Variants in TSNARE1 observed in about 807,000 individuals in gnomAD.
TSNARE1 encodes t-SNARE domain containing 1, also known as t-SNARE domain-containing protein 1.
TSNARE1 carries 49 observed loss-of-function variants against 62.0 expected under a neutral mutation model. The observed-to-expected ratio is 0.79, with a 90% confidence interval of 0.63 to 1.00. TSNARE1 has a LOEUF of 1.00. TSNARE1 is among the 50% of genes least tolerant of loss of function. TSNARE1 has a pLI of 0.00. For missense variants in TSNARE1, 755 were observed against 700.1 expected, an observed-to-expected ratio of 1.08 and a Z score of -0.88; for synonymous variants, 328 against 294.4, an observed-to-expected ratio of 1.11 and a Z score of -1.17.
intron 10 of TSNARE1, among the ~76,000 whole-genome samples, chr8:142,297,917 G>A (rs76213062): frequency 1.3e-5 from 2 of 152,114 alleles, no homozygotes; most frequent in Non-Finnish European, 2.9e-5. Context: ...TCCGTCCCGC[G>A]CCTGCTGTTG....
intron 9 of TSNARE1, among the ~76,000 whole-genome samples, chr8:142,306,057 A>G (rs1826617440): frequency 6.6e-6 from 1 of 152,222 alleles, no homozygotes; most frequent in African/African-American, 2.4e-5. Flanking sequence ...AGAGGCGCTC[A>G]CACAGGGAGT....
intron 11 of TSNARE1, among the ~76,000 whole-genome samples, chr8:142,280,920 A>G (rs1001991468): frequency 2.0e-5 from 3 of 152,142 alleles, no homozygotes; most frequent in African/African-American, 7.2e-5. Context: ...AGCAGCTTGA[A>G]GCCCAGGCTC....
Position 142,314,387 on chromosome 8 carries a change from T to C in TSNARE1, c.1128A>G (p.Lys376=). The C allele has an allele frequency of 6.2e-7, 1 of 1,613,732 alleles. No individual in the cohort carries two copies. The highest frequency in any genetic ancestry group is 1.1e-5 in the South Asian group (1 of 90,970). Residue 376 remains lysine (K), a synonymous_variant, in exon 9 of 14, where the codon AAA becomes AAG. Transcript: ENST00000524325. ...ALLPMAQRGS[K]QSPQAPFAEL... ...ATGGTCAGTACTCGGCACCCACCTG[T>C]TTACTGCCCCTCTGCGCCATGGGAA...
chr8:142,351,381 G>C (rs1423703752), intron 2 of TSNARE1, among the ~76,000 whole-genome samples: 1 of 152,116 alleles, frequency 6.6e-6, no homozygotes, highest in Non-Finnish European at 1.5e-5. Context: ...TACAACAGCA[G>C]GAAAGAAAGT....
chr8:142,272,701 G>A (rs1420843107), intron 12 of TSNARE1: 1 of 946,620 alleles, frequency 1.1e-6, no homozygotes, highest in Non-Finnish European at 1.2e-6. Flanking sequence ...CTTCACAGAG[G>A]CCTCATCCCT....
chr8:142,297,226 C>T (rs964979748), intron 10 of TSNARE1, among the ~76,000 whole-genome samples: 3 of 152,198 alleles, frequency 2.0e-5, no homozygotes, highest in African/African-American at 7.2e-5. Flanking sequence ...GGATGCTGGG[C>T]GTGGCCATCT....
chr8:142,296,600 G>C (rs995413301), intron 10 of TSNARE1, among the ~76,000 whole-genome samples: 3 of 152,022 alleles, frequency 2.0e-5, no homozygotes, highest in African/African-American at 7.3e-5. Context: ...AGGCAAGCAA[G>C]GGCCGCTCAC....
chr8:142,274,265 GTCT>G, intron 12 of TSNARE1: 1 of 985,452 alleles, frequency 1.0e-6, no homozygotes, highest in Non-Finnish European at 1.2e-6. Flanking sequence ...GACCTGTCAG[GTCT>G]TCTTGTGGTG....
In TSNARE1 at chr8:142,318,630, T is replaced by C. The variant is rs1228318517; in HGVS notation, c.898A>G (p.Thr300Ala). 1.2e-6 allele frequency: 2 copies of C among 1,613,402 alleles called. No individual in the cohort carries two copies. The highest frequency in any genetic ancestry group is 1.7e-6 in the Non-Finnish European group (2 of 1,179,924). ...GTCTTGTTGGTCTCCTGCTGTGCCG[T>C]GTGCCTGGGGGCCGAGAAGGAGCCA... is the stretch of plus-strand genomic sequence containing the variant. ...DTQELRDSLHTAQQETNKTIA... is the reference protein window; with the variant it reads ...DTQELRDSLHAAQQETNKTIA... The change falls in exon 7 of 14, where the codon ACG (threonine) becomes GCG (alanine). Residue 300 changes from threonine (T) to alanine (A), a missense_variant. By Grantham distance (58) the Thr-to-Ala change is moderately conservative. Coordinates refer to ENST00000524325, the MANE Select transcript of TSNARE1 (RefSeq NM_145003.5).
intron 9 of TSNARE1, among the ~76,000 whole-genome samples, chr8:142,306,019 G>A (rs532275120): frequency 2.0e-5 from 3 of 152,314 alleles, no homozygotes; most frequent in South Asian, 2.1e-4. Flanking sequence ...CATGCACTCC[G>A]ACCCGAGGGA....
At chr8:142,223,016 TCACTCAGC>T (rs1816501457) in intron 13 of TSNARE1, among the ~76,000 whole-genome samples, 5 of 124,974 alleles carry the variant, frequency 4.0e-5, no homozygotes, top group Non-Finnish European at 5.0e-5. Context: ...ATTTACTCAC[TCACTCAGC>T]CACTCACTCA....
chr8:142,228,596 T>C (rs953385509), intron 13 of TSNARE1, among the ~76,000 whole-genome samples: 3 of 152,216 alleles, frequency 2.0e-5, no homozygotes, highest in Non-Finnish European at 4.4e-5. Flanking sequence ...AGTCATAAAC[T>C]TCTGGAGGTC....
intron 1 of TSNARE1, among the ~76,000 whole-genome samples, chr8:142,370,863 C>G (rs1168305039): frequency 6.6e-6 from 1 of 150,952 alleles, no homozygotes; most frequent in East Asian, 1.9e-4. Context: ...AAAAAAAAAC[C>G]TGCAAGCCAG....
chr8:142,280,531 C>T (rs1821250723), intron 11 of TSNARE1, among the ~76,000 whole-genome samples: 1 of 152,200 alleles, frequency 6.6e-6, no homozygotes, highest in African/African-American at 2.4e-5. Flanking sequence ...CCGGCAGGTG[C>T]CCTCTGCCCT....
intron 4 of TSNARE1, among the ~76,000 whole-genome samples, chr8:142,341,277 C>A (rs1462387534): frequency 6.6e-6 from 1 of 152,208 alleles, no homozygotes; most frequent in East Asian, 1.9e-4. Context: ...CCCACCCCCC[C>A]AGGCCTGGCC....
At chr8:142,292,958 C>A (rs1262079295) in intron 10 of TSNARE1, among the ~76,000 whole-genome samples, 2 of 152,188 alleles carry the variant, frequency 1.3e-5, no homozygotes, top group Non-Finnish European at 2.9e-5. Flanking sequence ...CTCCCCCACA[C>A]TCAGCACATA....
In TSNARE1 at chr8:142,284,400, G is replaced by C; in HGVS notation, c.1363+13C>G. On this transcript the variant is annotated intron_variant, in intron 11 of 13. Transcript: ENST00000524325. ...GGGGCAGCAGGTGGCCCGAGGCTGG[G>C]GCGGGTACCCACCAACAGCTTCTCC... 6.2e-7 allele frequency: 1 copy of C among 1,611,460 alleles called. No homozygotes were observed. Among genetic ancestry groups the C allele is most frequent in the Non-Finnish European group, 8.5e-7 (1 of 1,178,700 alleles).
chr8:142,276,984 G>C, intron 11 of TSNARE1: 1 of 985,472 alleles, frequency 1.0e-6, no homozygotes, highest in Non-Finnish European at 1.2e-6. Context: ...CAAGGGGAGG[G>C]GGGCTGCTCC....
chr8:142,356,757 G>A (rs1834774434), intron 1 of TSNARE1, among the ~76,000 whole-genome samples: 1 of 152,180 alleles, frequency 6.6e-6, no homozygotes, highest in Non-Finnish European at 1.5e-5. Flanking sequence ...TTACCTTGCA[G>A]CTGAGGAAAC....
Sources: allele counts gnomAD v4.1 joint callset (sites outside exome capture counted in the v4.1 genomes callset), GRCh38; gene constraint gnomAD v4.1.1; transcripts MANE v1.5; gene names NCBI Gene and HGNC (gene_info 2026-07-23, HGNC 2026-07-21).